The following GIT2 variants were observed in gnomAD, a reference collection of about 807,000 sequenced individuals.
The protein encoded by GIT2 is ARF GTPase-activating protein GIT2.
Under a neutral mutation model 100.3 loss-of-function variants are expected in GIT2, and 32 were observed. The ratio of observed to expected loss-of-function variants is 0.32; its 90% confidence interval spans 0.24 to 0.43. GIT2 has a LOEUF of 0.43. GIT2 is among the 20% of genes least tolerant of loss of function. The probability of loss-of-function intolerance (pLI) is 1.00; values close to 1 mark genes in which losing one functional copy is unlikely to be tolerated. For missense variants in GIT2, 737 were observed against 975.1 expected, an observed-to-expected ratio of 0.76 and a Z score of 3.25; for synonymous variants, 353 against 364.1, an observed-to-expected ratio of 0.97 and a Z score of 0.35.
At chr12:109,998,982 C>G (rs1364291447), upstream of GIT2, 2 of 152,256 alleles carry the variant, frequency 1.3e-5, no homozygotes, top group Admixed American at 1.3e-4. Context: ...TTTGAAGCCA[C>G]TTCGCCAGGG....
At chr12:109,995,819 C>CT (rs1889278021) in intron 1 of GIT2, among the ~76,000 whole-genome samples, 1 of 152,232 alleles carries the variant, frequency 6.6e-6, no homozygotes, top group Admixed American at 6.5e-5. Context: ...CCTCTGGAGG[C>CT]TGCAGCCGGG....
intron 4 of GIT2, among the ~76,000 whole-genome samples, chr12:109,984,744 G>A (rs1303369391): frequency 2.0e-5 from 3 of 152,088 alleles, no homozygotes; most frequent in Non-Finnish European, 4.4e-5. Context: ...ACCGTGCCTG[G>A]CCCTATTCAC....
In GIT2 at chr12:109,984,173, G is replaced by A. The variant is rs1292198292; in HGVS notation, c.406-479C>T. On this transcript the variant is annotated intron_variant, in intron 4 of 19. Coordinates refer to ENST00000355312, the MANE Select transcript of GIT2 (RefSeq NM_057169.5). ...GCCTGTAATCCCAGCACTTTGGGGGGCTGAGGTTGGAGGATCACTTGAGCC... is the reference window on the plus strand; with the variant it reads ...GCCTGTAATCCCAGCACTTTGGGGGACTGAGGTTGGAGGATCACTTGAGCC... 2.0e-5 allele frequency among the ~76,000 whole-genome samples: 3 copies of A among 152,114 alleles called. 1 individual carries two copies. Among genetic ancestry groups the A allele is most frequent in the Non-Finnish European group, 4.4e-5 (3 of 68,024 alleles).
chr12:109,998,765 A>AT (rs1319507282), upstream of GIT2: 2 of 152,062 alleles, frequency 1.3e-5, no homozygotes, highest in Non-Finnish European at 2.9e-5. Context: ...ACTGAGGACG[A>AT]TTTTTCTCCC....
intron 16 of GIT2, among the ~76,000 whole-genome samples, 200 bp downstream of exon 16, chr12:109,945,060 A>G (rs536936450): frequency 6.6e-6 from 1 of 152,294 alleles, no homozygotes; most frequent in East Asian, 1.9e-4. Context: ...ATGGGGTTAG[A>G]GAAAGGGAGG....
intron 12 of GIT2, among the ~76,000 whole-genome samples, chr12:109,959,388 T>C (rs1241588812): frequency 6.6e-6 from 1 of 152,198 alleles, no homozygotes; most frequent in Non-Finnish European, 1.5e-5. Flanking sequence ...TATTTTCTTA[T>C]GTCCTTTAAC....
At chr12:109,968,191 C>T (rs935334334) in intron 7 of GIT2, among the ~76,000 whole-genome samples, 1 of 152,208 alleles carries the variant, frequency 6.6e-6, no homozygotes, top group Non-Finnish European at 1.5e-5. Flanking sequence ...GTTTTCCAAA[C>T]AGCAATGTGA....
Position 109,931,760 on chromosome 12 carries a change from G to T in GIT2, c.*1218C>A, listed in dbSNP as rs955028592. 5.9e-5 allele frequency: 9 copies of T among 152,290 alleles called. No homozygotes were observed. The highest frequency in any genetic ancestry group is 2.2e-4 in the African/African-American group (9 of 41,460). The allele number at this position is 152,290 out of a possible 1,614,324, so 9.4% of individuals were successfully genotyped here. A position where few individuals can be genotyped will look rare whatever the true frequency, so the allele number is the denominator to read the frequency against. ...GGAAGAGCTTTCACATTCAGAACAA[G>T]AAGGGGCTTTTGAGTAACTAAAAAA... On this transcript the variant is annotated 3_prime_UTR_variant, in exon 20 of 20. Coordinates refer to ENST00000355312, the MANE Select transcript of GIT2 (RefSeq NM_057169.5).
At chr12:109,976,385 C>T (rs901350759) in intron 7 of GIT2, among the ~76,000 whole-genome samples, 5 of 149,192 alleles carry the variant, frequency 3.4e-5, no homozygotes, top group Admixed American at 1.3e-4. Flanking sequence ...CCCGGGTTCA[C>T]GCCATCCTCC....
At chr12:109,937,202 C>A (rs1189630477) in intron 18 of GIT2, among the ~76,000 whole-genome samples, 3 of 152,014 alleles carry the variant, frequency 2.0e-5, no homozygotes, top group African/African-American at 7.3e-5. Flanking sequence ...GAAATAAGGA[C>A]ACTGGGAGAT....
chr12:109,986,357 C>T (rs1487185204), intron 4 of GIT2, among the ~76,000 whole-genome samples: 2 of 152,192 alleles, frequency 1.3e-5, no homozygotes, highest in African/African-American at 2.4e-5. Flanking sequence ...CATGGCTGGG[C>T]GCAGTGGCTC....
At chr12:109,976,249 T>C (rs1885014693) in intron 7 of GIT2, among the ~76,000 whole-genome samples, 1 of 151,964 alleles carries the variant, frequency 6.6e-6, no homozygotes, top group South Asian at 2.1e-4. Flanking sequence ...GTCAAATATA[T>C]TACACTGATA....
At position 109,996,326 on chromosome 12, in the gene GIT2, T is replaced by C. The variant is rs896376227; in HGVS notation, c.-102A>G. The C allele has an allele frequency of 6.3e-6, 5 of 788,200 alleles. No individual in the cohort carries two copies. The highest frequency in any genetic ancestry group is 9.8e-6 in the Non-Finnish European group (5 of 507,846). 48.8% of individuals were successfully genotyped at this position (788,200 alleles called of 1,614,324 possible). ...TAACGGGTCCCAGCTGCGGCGGCGC[T>C]GACGGCGGCGCCTCTCCCCTCAGCG... is the stretch of plus-strand genomic sequence containing the variant. On this transcript the variant is annotated 5_prime_UTR_variant, in exon 1 of 20. Coordinates refer to ENST00000355312, the MANE Select transcript of GIT2 (RefSeq NM_057169.5).
At chr12:109,990,642 A>C (rs529627614) in intron 2 of GIT2, among the ~76,000 whole-genome samples, 6 of 152,302 alleles carry the variant, frequency 3.9e-5, no homozygotes, top group Admixed American at 2.0e-4. Context: ...AGATTCAGTG[A>C]AATGTGTAAT....
intron 12 of GIT2, among the ~76,000 whole-genome samples, chr12:109,955,503 AAT>A (rs1403410621): frequency 6.6e-6 from 1 of 152,210 alleles, no homozygotes; most frequent in Non-Finnish European, 1.5e-5. Flanking sequence ...TCAACCAATC[AAT>A]ATATAACCTT....
At chr12:109,942,011 G>A (rs1302067750) in intron 16 of GIT2, among the ~76,000 whole-genome samples, 1 of 151,924 alleles carries the variant, frequency 6.6e-6, no homozygotes, top group East Asian at 1.9e-4. Flanking sequence ...TTTTTGTGGA[G>A]ACAAGGTCTC....
Position 109,947,548 on chromosome 12 carries a change from AG to A in GIT2, c.1393-45del. On this transcript the variant is annotated intron_variant, in intron 14 of 19. Coordinates refer to ENST00000355312, the MANE Select transcript of GIT2 (RefSeq NM_057169.5). This position sits in a 1 kb window ranked among gnomAD's most constrained non-coding sequence, Gnocchi z 4.3. ...AGTGGGACTGTGTTTTTTTACAGCA[AG>A]CAGAAAAAGCAAACACCAAGTAAAT... 2 of 1,576,284 alleles carry A rather than the reference AG, an allele frequency of 1.3e-6. No individual in the cohort carries two copies. Among genetic ancestry groups the A allele is most frequent in the South Asian group, 2.3e-5 (2 of 87,294 alleles).
At chr12:109,970,210 T>C (rs1010026001) in intron 7 of GIT2, among the ~76,000 whole-genome samples, 1 of 151,926 alleles carries the variant, frequency 6.6e-6, no homozygotes, top group African/African-American at 2.4e-5. Flanking sequence ...AAGAATATCC[T>C]GGGGCGGGTG....
intron 18 of GIT2, among the ~76,000 whole-genome samples, chr12:109,937,362 TTTGCTCGTG>T (rs1873339093): frequency 6.6e-6 from 1 of 152,198 alleles, no homozygotes. Context: ...TTGAATACTT[TTTGCTCGTG>T]CAAGGCGTGA....
Sources: gnomAD v4.1 joint callset for allele counts (sites outside exome capture counted in the v4.1 genomes callset) on GRCh38, gnomAD v4.1.1 for gene constraint, Gnocchi (gnomAD v3.1) non-coding constraint, MANE v1.5 for transcripts, NCBI Gene and HGNC (gene_info 2026-07-23, HGNC 2026-07-21) for gene names.